LNX1: variants seen among roughly 807,000 people sequenced by gnomAD.
LNX1 encodes the protein ligand of numb-protein X 1.
Under a neutral mutation model 68.4 loss-of-function variants are expected in LNX1, and 54 were observed. The ratio of observed to expected loss-of-function variants is 0.79; its 90% CI spans 0.63 to 0.99. The LOEUF is 0.99. LNX1 is among the 50% of genes least tolerant of loss of function. The pLI, the probability that LNX1 is intolerant of heterozygous loss-of-function variation, is 0.00. For synonymous variants in LNX1, 336 were observed against 350.0 expected, an observed-to-expected ratio of 0.96 and a Z score of 0.45; for missense variants, 906 against 926.4, an observed-to-expected ratio of 0.98 and a Z score of 0.29.
intron 2 of LNX1, among the ~76,000 whole-genome samples, chr4:53,551,619 C>G (rs1023543207): frequency 1.3e-5 from 2 of 152,136 alleles, no homozygotes; most frequent in African/African-American, 4.8e-5. Context: ...ACAGCCCACT[C>G]CAAGGGAAGA....
rs563730933 is a variant in LNX1 at position 53,636,155 on chromosome 4, T to C, written c.-215+16013A>G. Among the ~76,000 whole-genome samples the C allele has an allele frequency of 2.4e-3, 339 of 143,438 alleles. 2 individuals are homozygous for C. The highest frequency in any genetic ancestry group is 3.8e-3 in the Non-Finnish European group (252 of 66,000). 94.1% of individuals were successfully genotyped at this position (143,438 alleles called of 152,430 possible). On this transcript the variant is annotated intron_variant, in intron 1 of 2. Transcript: ENST00000507168. ...TCAGAGTGGAAATCAAAGAGGGATC[T>C]CAGAGACTGCACATCTATTACTCCT...
intron 4 of LNX1, among the ~76,000 whole-genome samples, chr4:53,505,596 A>C (rs1009519534): frequency 1.1e-4 from 16 of 152,178 alleles, no homozygotes; most frequent in Admixed American, 7.2e-4. Flanking sequence ...AAGAGTCTTT[A>C]ATAAGAGGAA....
chr4:53,466,552 G>A (rs957276579), intron 9 of LNX1, among the ~76,000 whole-genome samples: 7 of 152,188 alleles, frequency 4.6e-5, no homozygotes, highest in African/African-American at 9.6e-5. Context: ...CGCCTCACCC[G>A]GGAAGCACAA....
intron 2 of LNX1, among the ~76,000 whole-genome samples, chr4:53,524,797 G>A (rs1727494076): frequency 6.6e-6 from 1 of 152,190 alleles, no homozygotes; most frequent in Non-Finnish European, 1.5e-5. Context: ...TCCAGCTACT[G>A]CTCTGCTTTC....
chr4:53,650,092 T>G (rs1357948389), intron 1 of LNX1, among the ~76,000 whole-genome samples: 1 of 152,108 alleles, frequency 6.6e-6, no homozygotes, highest in Non-Finnish European at 1.5e-5. Context: ...TGGAATAGAA[T>G]GAATGGAATG....
At chr4:53,592,557 C>T (rs546127723), upstream of LNX1, among the ~76,000 whole-genome samples, 2 of 152,334 alleles carry the variant, frequency 1.3e-5, no homozygotes, top group South Asian at 4.1e-4. Flanking sequence ...GATTCCCCGT[C>T]CCGGAAGATG....
intron 2 of LNX1, among the ~76,000 whole-genome samples, chr4:53,542,969 T>C (rs975645784): frequency 1.3e-5 from 2 of 152,226 alleles, no homozygotes; most frequent in African/African-American, 4.8e-5. Flanking sequence ...AATCCTGTGC[T>C]GTAGGAATCA....
At chr4:53,589,929 C>A (rs1359456662) in intron 1 of LNX1, among the ~76,000 whole-genome samples, 1 of 152,138 alleles carries the variant, frequency 6.6e-6, no homozygotes, top group Non-Finnish European at 1.5e-5. Context: ...TTTATTTAAT[C>A]ATAAATTAAC....
chr4:53,613,643 C>G (rs752883873), intron 2 of LNX1, among the ~76,000 whole-genome samples: 9 of 152,134 alleles, frequency 5.9e-5, no homozygotes, highest in Non-Finnish European at 1.2e-4. Context: ...TGATCTAATT[C>G]TTTTTCATGG....
chr4:53,566,565 C>T (rs1194357346), intron 2 of LNX1, among the ~76,000 whole-genome samples: 11 of 150,546 alleles, frequency 7.3e-5, no homozygotes, highest in South Asian at 2.1e-4. Flanking sequence ...TAAAGACCAT[C>T]GAGACTAGGA....
upstream of LNX1, among the ~76,000 whole-genome samples, chr4:53,618,099 T>C (rs568926677): frequency 6.6e-6 from 1 of 152,342 alleles, no homozygotes; most frequent in Non-Finnish European, 1.5e-5. Flanking sequence ...CTTAGCTTCT[T>C]ACTGATAGAC....
At chr4:53,566,188 C>A (rs1431870886) in intron 2 of LNX1, among the ~76,000 whole-genome samples, 7 of 151,928 alleles carry the variant, frequency 4.6e-5, no homozygotes, top group Admixed American at 1.3e-4. Flanking sequence ...CTCCAAGACA[C>A]ATAATTGTCA....
chr4:53,576,252 G>C, intron 1 of LNX1: 1 of 1,610,116 alleles, frequency 6.2e-7, no homozygotes, highest in Non-Finnish European at 8.5e-7. Context: ...TGATGCAGCT[G>C]AAGCTTTCAG....
intron 1 of LNX1, among the ~76,000 whole-genome samples, chr4:53,647,623 A>C (rs1437967248): frequency 6.6e-6 from 1 of 152,242 alleles, no homozygotes. Flanking sequence ...TACACATAAC[A>C]TGAAACTTGC....
chr4:53,558,272 AC>A, intron 2 of LNX1: 2 of 1,156,924 alleles, frequency 1.7e-6, no homozygotes, highest in Non-Finnish European at 2.1e-6. Context: ...CAGGATGCGG[AC>A]TGGTTCTTGG....
intron 2 of LNX1, among the ~76,000 whole-genome samples, chr4:53,536,696 C>T (rs4864788): frequency 0.06 from 9,204 of 152,218 alleles, 533 homozygotes; most frequent in African/African-American, 0.15. Flanking sequence ...TTAAATGCCT[C>T]TAAAGAGACT....
intron 2 of LNX1, among the ~76,000 whole-genome samples, chr4:53,569,314 G>A (rs1348536423): frequency 2.8e-5 from 4 of 144,814 alleles, no homozygotes; most frequent in Admixed American, 1.4e-4. Flanking sequence ...CCAAAACAGA[G>A]ATATAGATCA....
intron 1 of LNX1, chr4:53,575,724 TG>T (rs1355459619): frequency 6.9e-7 from 1 of 1,441,452 alleles, no homozygotes; most frequent in East Asian, 2.4e-5. Context: ...GTGTCTGCTG[TG>T]GGGGCCACAG....
intron 2 of LNX1, among the ~76,000 whole-genome samples, chr4:53,550,458 T>C (rs1265302836): frequency 6.6e-6 from 1 of 152,186 alleles, no homozygotes; most frequent in African/African-American, 2.4e-5. Context: ...CACTTTTTTT[T>C]CCCCTTTTCA....
Sources: gnomAD v4.1 joint callset for allele counts (sites outside exome capture counted in the v4.1 genomes callset) on GRCh38, gnomAD v4.1.1 for gene constraint, MANE v1.5 for transcripts, NCBI Gene and HGNC (gene_info 2026-07-23, HGNC 2026-07-21) for gene names.